ZNF706: variants seen among roughly 807,000 people sequenced by gnomAD.
The protein encoded by ZNF706 is zinc finger protein 706.
Under a neutral mutation model 9.2 loss-of-function variants are expected in ZNF706, and 4 were observed. The ratio of observed to expected loss-of-function variants is 0.43; its 90% CI spans 0.21 to 0.99. The LOEUF is 0.99. Ranked by LOEUF, ZNF706 falls within the 50% of genes least tolerant of loss-of-function variation. The pLI is 0.26. For synonymous variants in ZNF706, 28 were observed against 27.3 expected (o/e 1.03, Z -0.08); for missense variants, 27 against 87.8 (o/e 0.31, Z 2.77).
In ZNF706 at chr8:101,201,433, C is replaced by T; in HGVS notation, c.135+174G>A. 1 of 613,328 alleles carries T rather than the reference C, an allele frequency of 1.6e-6. No individual in the cohort carries two copies. 38.0% of individuals were successfully genotyped at this position (613,328 alleles called of 1,614,324 possible). ...AGAGATTTTTGCCTGGCCACAGGAG[C>T]CATTCAAAAAATATTTGTTTAAAGG... On this transcript the variant is annotated intron_variant, in intron 2 of 3. Transcript: ENST00000311212. This position sits in a 1 kb window ranked among gnomAD's most constrained non-coding sequence, Gnocchi z 4.5.
chr8:101,202,203 A>G (rs7827645), intron 1 of ZNF706: 18,413 of 151,202 alleles, frequency 0.12, 2,537 homozygotes, highest in African/African-American at 0.34. Flanking sequence ...CACTTTGGAA[A>G]GCCAAGGCGG....
At chr8:101,204,160 T>G (rs1810666035) in intron 1 of ZNF706, 1 of 152,256 alleles carries the variant, frequency 6.6e-6, no homozygotes, top group African/African-American at 2.4e-5. Context: ...TTTCAGAAGT[T>G]CCTTTGCTTT....
rs575660329 is a variant in ZNF706 at position 101,197,940 on chromosome 8, G to C, written c.*1312C>G. The C allele has an allele frequency of 6.6e-6, 1 of 152,288 alleles. No individual in the cohort carries two copies. The highest frequency in any genetic ancestry group is 1.5e-5 in the Non-Finnish European group (1 of 68,002). The allele number at this position is 152,288 out of a possible 1,614,324, so 9.4% of individuals were successfully genotyped here. A position where few individuals can be genotyped will look rare whatever the true frequency, so the allele number is the denominator to read the frequency against. Reference sequence around the variant, plus strand: ...ATGCATTCTGTAATCCACAGGATCAGATAAATGGCTCTAAGCAGTTACCAG... The same window carrying C: ...ATGCATTCTGTAATCCACAGGATCACATAAATGGCTCTAAGCAGTTACCAG... On this transcript the variant is annotated 3_prime_UTR_variant, in exon 4 of 4. Coordinates refer to ENST00000311212, the MANE Select transcript of ZNF706 (RefSeq NM_016096.5).
intron 2 of ZNF706, chr8:101,200,624 T>G (rs928051492): frequency 6.5e-6 from 1 of 153,926 alleles, no homozygotes; most frequent in Non-Finnish European, 1.4e-5. Context: ...GGTTTTGAGT[T>G]TTTAAATATA....
At chr8:101,204,180 A>C (rs1810666889) in intron 1 of ZNF706, 2 of 152,268 alleles carry the variant, frequency 1.3e-5, no homozygotes, top group Admixed American at 1.3e-4. Flanking sequence ...TCTAGAAGTT[A>C]CTAGCTATTT....
At chr8:101,204,552 C>CAAT (rs1563753260) in intron 1 of ZNF706, 8 of 916,922 alleles carry the variant, frequency 8.7e-6, no homozygotes. Context: ...GACTTGCTCT[C>CAAT]AAGCCAACAC....
chr8:101,199,319 G>GA (rs1563751474), intron 3 of ZNF706, 80 bp from the exon 4 acceptor site: 2 of 690,668 alleles, frequency 2.9e-6, no homozygotes, highest in Admixed American at 4.1e-5. Context: ...TAACTAAGAA[G>GA]AAACACTATG....
chr8:101,199,637 T>C (rs1216132160), intron 3 of ZNF706, among the ~76,000 whole-genome samples: 2 of 152,158 alleles, frequency 1.3e-5, no homozygotes, highest in African/African-American at 4.8e-5. Context: ...GTAAACTAAT[T>C]GTAAAGAGGT....
At position 101,199,174 on chromosome 8, in the gene ZNF706, A is replaced by G; in HGVS notation, c.*78T>C. ...TTTGCTGATCAACAGTTTGTTAGAA[A>G]AGCAGCTGCAGGTATGTTACCTAAG... On this transcript the variant is annotated 3_prime_UTR_variant, in exon 4 of 4. Coordinates refer to ENST00000311212, the MANE Select transcript of ZNF706 (RefSeq NM_016096.5). 1 of 692,642 alleles carries G rather than the reference A, an allele frequency of 1.4e-6. No individual in the cohort carries two copies. The highest frequency in any genetic ancestry group is 1.8e-5 in the African/African-American group (1 of 56,842). The allele number at this position is 692,642 out of a possible 1,614,324, so 42.9% of individuals were successfully genotyped here.
chr8:101,201,803 G>A lies in ZNF706; in HGVS notation c.-2-60C>T, dbSNP rs1810568043. Reference sequence around the variant, plus strand: ...TTTACTCTAATACAGAGTAATCAAAGCATAAGAACGTTCTTAGAATTGAAG... The same window carrying A: ...TTTACTCTAATACAGAGTAATCAAAACATAAGAACGTTCTTAGAATTGAAG... On this transcript the variant is annotated intron_variant, in intron 1 of 3. Coordinates refer to ENST00000311212, the MANE Select transcript of ZNF706 (RefSeq NM_016096.5). This position sits in a 1 kb window ranked among gnomAD's most constrained non-coding sequence, Gnocchi z 4.5. The A allele has an allele frequency of 6.6e-7, 1 of 1,525,126 alleles. No individual in the cohort carries two copies. Among genetic ancestry groups the A allele is most frequent in the Admixed American group, 2.0e-5 (1 of 51,186 alleles). The allele number at this position is 1,525,126 out of a possible 1,614,324, so 94.5% of individuals were successfully genotyped here.
At chr8:101,204,190 T>G (rs1017146665) in intron 1 of ZNF706, 1 of 152,252 alleles carries the variant, frequency 6.6e-6, no homozygotes, top group African/African-American at 2.4e-5. Flanking sequence ...ACTAGCTATT[T>G]TGATATTTCC....
Position 101,197,232 on chromosome 8 carries a change from T to G in ZNF706, c.*2020A>C, listed in dbSNP as rs1810395043. The G allele has an allele frequency of 6.6e-6, 1 of 152,210 alleles. No individual in the cohort carries two copies. Among genetic ancestry groups the G allele is most frequent in the African/African-American group, 2.4e-5 (1 of 41,448 alleles). 9.4% of individuals were successfully genotyped at this position (152,210 alleles called of 1,614,324 possible). A position where few individuals can be genotyped will look rare whatever the true frequency, so the allele number is the denominator to read the frequency against. On this transcript the variant is annotated 3_prime_UTR_variant, in exon 4 of 4. Transcript: ENST00000311212. ...AAATGGACCAATTCTCTCTCAGTGT[T>G]ATTTTATCAAGTCTTTGAAGACACC... is the stretch of plus-strand genomic sequence containing the variant.
rs559170063 is a variant in ZNF706, at chr8:101,199,017, T to A, written c.*235A>T. 13 of 421,630 alleles carry A rather than the reference T, an allele frequency of 3.1e-5. No homozygotes were observed. The South Asian group carries it at 7.3e-4, about 24-fold the overall frequency. The allele number at this position is 421,630 out of a possible 1,614,324, so 26.1% of individuals were successfully genotyped here. ...CAATATAATTACAATTGTAAAAAAA[T>A]TTTTTATAACAAGGATGGACTGATT... On this transcript the variant is annotated 3_prime_UTR_variant, in exon 4 of 4. Coordinates refer to ENST00000311212, the MANE Select transcript of ZNF706 (RefSeq NM_016096.5).
Position 101,201,579 on chromosome 8 carries a change from C to G in ZNF706, c.135+28G>C. The G allele has an allele frequency of 6.2e-7, 1 of 1,602,220 alleles. No homozygotes were observed. The highest frequency in any genetic ancestry group is 8.5e-7 in the Non-Finnish European group (1 of 1,175,200). On this transcript the variant is annotated intron_variant, in intron 2 of 3. Transcript: ENST00000311212. This position sits in a 1 kb window ranked among gnomAD's most constrained non-coding sequence, Gnocchi z 4.5. ...CAAGCCAAAACTGCCCACGGGAGAG[C>G]TGTATCTTTCAATTCAATTCCCCTT...
rs370625709 is a variant in ZNF706 at position 101,201,616 on chromosome 8, A to G, written c.126T>C (p.Thr42=). 183 of 1,612,128 alleles carry G rather than the reference A, an allele frequency of 1.1e-4. 1 individual carries two copies. The highest frequency in any genetic ancestry group is 1.5e-4 in the Non-Finnish European group (179 of 1,179,956). Residue 42 remains threonine, a synonymous_variant, in exon 2 of 4, where the codon ACT becomes ACC. Transcript: ENST00000311212. The surrounding 1 kb of genome is among the most constrained non-coding windows in gnomAD (Gnocchi z 4.5). ...AAKAALIYTC[T]VCRTQMPDPK... is the part of the protein sequence containing the mutation. ...ATTCAATTCCCCTTACCCTACAGAC[A>G]GTGCAGGTATATATTAAGGCAGCTT...
chr8:101,205,889 T>C, upstream of ZNF706: 1 of 152,286 alleles, frequency 6.6e-6, no homozygotes, highest in Non-Finnish European at 1.5e-5. The surrounding 1 kb of genome is among the most constrained non-coding windows in gnomAD (Gnocchi z 6.6). Flanking sequence ...CAGGCGCCCC[T>C]CCTCTCCGGC....
chr8:101,200,169 T>C (rs1466908510), intron 2 of ZNF706, 72 bp from the exon 3 acceptor site: 21 of 1,250,990 alleles, frequency 1.7e-5, no homozygotes, highest in Non-Finnish European at 2.4e-5. Flanking sequence ...TTTAGAATCC[T>C]GAACCTTCTC....
rs143092836 is a variant in ZNF706, at chr8:101,204,380, T to C, written c.-3+1055A>G. 630 of 153,324 alleles carry C rather than the reference T, an allele frequency of 4.1e-3. 5 individuals carry two copies. The highest frequency in any genetic ancestry group is 6.5e-3 in the Non-Finnish European group (445 of 68,932). The allele number at this position is 153,324 out of a possible 1,614,324, so 9.5% of individuals were successfully genotyped here. On this transcript the variant is annotated intron_variant, in intron 1 of 3. Transcript: ENST00000311212. ...TAAAGACAGTAGTCACTTGTTCTTA[T>C]TCTGAAGACAGAAAACTTAACACCA...
At position 101,201,667 on chromosome 8, in the gene ZNF706, T is replaced by A; in HGVS notation, c.75A>T (p.Gln25His). 1 of 1,613,508 alleles carries A rather than the reference T, an allele frequency of 6.2e-7. No homozygotes were observed. Among genetic ancestry groups the A allele is most frequent in the Non-Finnish European group, 8.5e-7 (1 of 1,180,022 alleles). The change falls in exon 2 of 4, where the codon CAA (glutamine) becomes CAT (histidine). Residue 25 changes from glutamine (Q) to histidine (H), a missense_variant. By Grantham distance (24) the Gln-to-His change is conservative. Coordinates refer to ENST00000311212, the MANE Select transcript of ZNF706 (RefSeq NM_016096.5). This position sits in a 1 kb window ranked among gnomAD's most constrained non-coding sequence, Gnocchi z 4.5. ...AKKQAGQKKKQGHDQKAAAKA... is the reference protein window; with the variant it reads ...AKKQAGQKKKHGHDQKAAAKA... ...TGGCAGCAGCCTTTTGGTCATGTCC[T>A]TGTTTCTTCTTTTGTCCAGCTTGCT...
Sources: allele counts gnomAD v4.1 joint callset (sites outside exome capture counted in the v4.1 genomes callset), GRCh38; gene constraint gnomAD v4.1.1; non-coding constraint Gnocchi (gnomAD v3.1); transcripts MANE v1.5; gene names NCBI Gene and HGNC (gene_info 2026-07-23, HGNC 2026-07-21).